NXN: variants seen among roughly 807,000 people sequenced by gnomAD.
NXN encodes the protein nucleoredoxin 1.
NXN carries 16 observed loss-of-function variants against 48.6 expected under a neutral mutation model. The ratio of observed to expected loss-of-function variants is 0.33; its 90% confidence interval spans 0.22 to 0.50. The LOEUF (loss-of-function observed/expected upper bound fraction) is 0.50, where lower values mean the gene tolerates loss of function less well. Among genes scored for constraint, NXN ranks in the 20% least tolerant of loss-of-function variants. The pLI, the probability that NXN is intolerant of heterozygous loss-of-function variation, is 0.98. For synonymous variants in NXN, 281 were observed against 269.6 expected (o/e 1.04, Z -0.41); for missense variants, 492 against 605.5 (o/e 0.81, Z 1.97).
chr17:884,921 C>G (rs2068326289), intron 1 of NXN, among the ~76,000 whole-genome samples: 1 of 152,132 alleles, frequency 6.6e-6, no homozygotes, highest in Non-Finnish European at 1.5e-5. Context: ...GGCTTTCCCC[C>G]AAAACAAACA....
In NXN at chr17:849,465, G is replaced by A. The variant is rs1489861806; in HGVS notation, c.361-23387C>T. On this transcript the variant is annotated intron_variant, in intron 1 of 7. Coordinates refer to ENST00000336868, the MANE Select transcript of NXN (RefSeq NM_022463.5). The surrounding 1 kb of genome is among the most constrained non-coding windows in gnomAD (Gnocchi z 4.2). ...GAAGAATTGCTTGAACCTGGGAGGC[G>A]GAGGTTGCAGTGAGCTGAGATCGCA... is the stretch of plus-strand genomic sequence containing the variant. Among the ~76,000 whole-genome samples, 10 of 152,000 alleles carry A rather than the reference G, an allele frequency of 6.6e-5. No individual in the cohort carries two copies. Among genetic ancestry groups the A allele is most frequent in the Admixed American group, 6.6e-4 (10 of 15,264 alleles).
At chr17:924,002 G>A (rs1362265300) in intron 1 of NXN, among the ~76,000 whole-genome samples, 1 of 151,980 alleles carries the variant, frequency 6.6e-6, no homozygotes, top group African/African-American at 2.4e-5. Context: ...AGTGCAAAAT[G>A]TTAGCAGTGG....
Position 886,757 on chromosome 17 carries a change from G to A in NXN, c.361-60679C>T, listed in dbSNP as rs577972413. Among the ~76,000 whole-genome samples, 9 of 146,862 alleles carry A rather than the reference G, an allele frequency of 6.1e-5. No homozygotes were observed. The South Asian group carries it at 1.8e-3, about 29-fold the overall frequency. ...CGTGCCACTGCACTCCAACCTGGGC[G>A]ACAGAGTGAGACTCTGTCTCAAAAA... On this transcript the variant is annotated intron_variant, in intron 1 of 7. Coordinates refer to ENST00000336868, the MANE Select transcript of NXN (RefSeq NM_022463.5).
chr17:868,219 C>T (rs1412979384), intron 1 of NXN, among the ~76,000 whole-genome samples: 1 of 152,180 alleles, frequency 6.6e-6, no homozygotes, highest in Non-Finnish European at 1.5e-5. Context: ...TCCCTCTATC[C>T]GATCCACCCT....
At chr17:822,589 A>G (rs1440020210) in intron 3 of NXN, 132 bp from the exon 4 acceptor site, 14 of 639,032 alleles carry the variant, frequency 2.2e-5, no homozygotes, top group Non-Finnish European at 3.9e-5. Context: ...AAAGGGGTGG[A>G]AATGAGATGG....
At chr17:854,080 A>G (rs73975575) in intron 1 of NXN, among the ~76,000 whole-genome samples, 9,975 of 152,060 alleles carry the variant, frequency 0.066, 1,102 homozygotes, top group African/African-American at 0.23. Context: ...CTGGACTACA[A>G]AGCTCCACGA....
chr17:915,970 G>T (rs2068685476), intron 1 of NXN, among the ~76,000 whole-genome samples: 1 of 152,010 alleles, frequency 6.6e-6, no homozygotes, highest in African/African-American at 2.4e-5. Flanking sequence ...TTGTTTGTAG[G>T]CTCAATTTTA....
intron 1 of NXN, among the ~76,000 whole-genome samples, chr17:953,169 C>G (rs1429432522): frequency 1.3e-5 from 2 of 152,086 alleles, no homozygotes; most frequent in Non-Finnish European, 2.9e-5. Flanking sequence ...AGACTATGAC[C>G]CTTGGGAGGC....
chr17:888,250 G>A (rs1006327606), intron 1 of NXN, among the ~76,000 whole-genome samples: 8 of 152,148 alleles, frequency 5.3e-5, no homozygotes, highest in African/African-American at 1.4e-4. Flanking sequence ...ACAGGGCCTC[G>A]CTCTGTTCCT....
intron 1 of NXN, among the ~76,000 whole-genome samples, chr17:832,209 G>T (rs188200140): frequency 6.6e-6 from 1 of 151,496 alleles, no homozygotes; most frequent in South Asian, 2.1e-4. Context: ...ATGGAGTCTC[G>T]CTCTGTCACC....
At chr17:861,852 G>GAC (rs1363493960) in intron 1 of NXN, among the ~76,000 whole-genome samples, 2 of 142,356 alleles carry the variant, frequency 1.4e-5, no homozygotes, top group Non-Finnish European at 3.0e-5. Flanking sequence ...TTTAAATTGA[G>GAC]ACAGTCTTGC....
At chr17:972,034 C>G (rs1466894454) in intron 1 of NXN, among the ~76,000 whole-genome samples, 2 of 152,116 alleles carry the variant, frequency 1.3e-5, no homozygotes, top group Non-Finnish European at 2.9e-5. Context: ...GTCACGGTGG[C>G]TCACACCCGT....
intron 1 of NXN, among the ~76,000 whole-genome samples, chr17:873,001 A>C (rs1439248763): frequency 6.6e-6 from 1 of 152,158 alleles, no homozygotes; most frequent in African/African-American, 2.4e-5. Context: ...CAACCCACTG[A>C]AGTCTAAGGA....
chr17:867,502 C>T (rs959459242), intron 1 of NXN, among the ~76,000 whole-genome samples: 14 of 152,194 alleles, frequency 9.2e-5, no homozygotes, highest in African/African-American at 3.4e-4. Context: ...AGAAGTTCAG[C>T]AAAACTATGT....
At chr17:955,162 CTTTT>C (rs749641262) in intron 1 of NXN, among the ~76,000 whole-genome samples, 2 of 125,180 alleles carry the variant, frequency 1.6e-5, no homozygotes, top group Non-Finnish European at 3.3e-5. Flanking sequence ...TCATCTCTTT[CTTTT>C]TTTTTTTTTT....
chr17:959,901 G>A (rs886122120), intron 1 of NXN, among the ~76,000 whole-genome samples: 12 of 151,654 alleles, frequency 7.9e-5, no homozygotes, highest in Admixed American at 2.6e-4. Flanking sequence ...CAGACCAGCC[G>A]GGCCAACACA....
chr17:953,401 C>T (rs1336962850), intron 1 of NXN, among the ~76,000 whole-genome samples: 3 of 151,944 alleles, frequency 2.0e-5, no homozygotes, highest in Admixed American at 6.6e-5. Context: ...GGAGACAGAG[C>T]GAGACTCCGT....
intron 1 of NXN, among the ~76,000 whole-genome samples, chr17:900,052 G>A (rs1019616381): frequency 6.6e-6 from 1 of 152,130 alleles, no homozygotes; most frequent in Non-Finnish European, 1.5e-5. Flanking sequence ...GATCTCCTGA[G>A]GTCAGGAGTT....
At chr17:804,221 CAGA>C (rs1327341715) in intron 6 of NXN, among the ~76,000 whole-genome samples, 16 of 150,402 alleles carry the variant, frequency 1.1e-4, no homozygotes, top group Non-Finnish European at 2.4e-4. Flanking sequence ...GTGAAAATGG[CAGA>C]AGAACTGGTG....
Sources: gnomAD v4.1 joint callset for allele counts (sites outside exome capture counted in the v4.1 genomes callset) on GRCh38, gnomAD v4.1.1 for gene constraint, Gnocchi (gnomAD v3.1) non-coding constraint, MANE v1.5 for transcripts, NCBI Gene and HGNC (gene_info 2026-07-23, HGNC 2026-07-21) for gene names.